The following SGCD variants were observed in gnomAD, a reference collection of about 807,000 sequenced individuals.
SGCD encodes sarcoglycan delta, also known as delta-sarcoglycan.
In SGCD, 18 loss-of-function variants were observed where a neutral mutation model predicts 36.6. That is an observed-to-expected ratio of 0.49 (90% CI 0.34 to 0.73). The LOEUF (loss-of-function observed/expected upper bound fraction) is 0.73, where lower values mean the gene tolerates loss of function less well. Among genes scored for constraint, SGCD ranks in the 30% least tolerant of loss-of-function variants. SGCD has a pLI of 0.01. For missense variants in SGCD, 387 were observed against 346.7 expected (o/e 1.12, Z -0.92); for synonymous variants, 133 against 130.6 (o/e 1.02, Z -0.12).
rs534957988 is a variant in SGCD, at chr5:156,262,426, C to T, written c.-43-67108C>T. Reference sequence around the variant, plus strand: ...ATGTAGCCTAGGTGTGTATTAGGCTCTATCATCTAAATTTGTACAGGTGCA... The same window carrying T: ...ATGTAGCCTAGGTGTGTATTAGGCTTTATCATCTAAATTTGTACAGGTGCA... On this transcript the variant is annotated intron_variant, in intron 3 of 9. Coordinates refer to the SGCD transcript ENST00000517913. Among the ~76,000 whole-genome samples the T allele has an allele frequency of 7.9e-4, 121 of 152,226 alleles. 1 individual carries two copies. The highest frequency in any genetic ancestry group is 2.9e-3 in the African/African-American group (120 of 41,546).
intron 3 of SGCD, among the ~76,000 whole-genome samples, chr5:156,305,937 C>T (rs1194077052): frequency 1.3e-5 from 2 of 152,138 alleles, no homozygotes; most frequent in African/African-American, 2.4e-5. Context: ...TGGCCACTTT[C>T]TCCCATTTGG....
intron 3 of SGCD, among the ~76,000 whole-genome samples, chr5:156,228,439 G>T (rs1016606708): frequency 1.8e-4 from 28 of 152,048 alleles, no homozygotes; most frequent in Non-Finnish European, 3.5e-4. Context: ...AGTGATTTTT[G>T]TCTAATGTAA....
intron 3 of SGCD, among the ~76,000 whole-genome samples, chr5:156,205,128 G>A (rs1764245047): frequency 6.6e-6 from 1 of 152,064 alleles, no homozygotes; most frequent in African/African-American, 2.4e-5. Context: ...AAAAGCTCAT[G>A]GTGCATTCCC....
At chr5:156,102,620 C>T (rs1761546170) in intron 1 of SGCD, among the ~76,000 whole-genome samples, 1 of 152,186 alleles carries the variant, frequency 6.6e-6, no homozygotes, top group African/African-American at 2.4e-5. Context: ...AAGTCACTTG[C>T]ATAAACCAGT....
At chr5:155,904,722 G>T (rs950576923) in intron 1 of SGCD, among the ~76,000 whole-genome samples, 1 of 151,938 alleles carries the variant, frequency 6.6e-6, no homozygotes, top group Non-Finnish European at 1.5e-5. Context: ...TGTAACTATA[G>T]GTTTTTTAAA....
chr5:156,086,402 T>G (rs1356925302), intron 1 of SGCD, among the ~76,000 whole-genome samples: 3 of 152,170 alleles, frequency 2.0e-5, no homozygotes, highest in Non-Finnish European at 4.4e-5. Context: ...GAGCTAGCAG[T>G]AGAGAAATGG....
At chr5:156,330,877 A>G (rs1209795177) in intron 2 of SGCD, among the ~76,000 whole-genome samples, 3 of 152,222 alleles carry the variant, frequency 2.0e-5, no homozygotes, top group Admixed American at 1.3e-4. Flanking sequence ...CTGTGTGGCC[A>G]TAGGCAAGTT....
chr5:155,949,888 C>T (rs1757517739), intron 1 of SGCD, among the ~76,000 whole-genome samples: 1 of 152,180 alleles, frequency 6.6e-6, no homozygotes, highest in Non-Finnish European at 1.5e-5. Flanking sequence ...TATCATGTTA[C>T]AGCCTTTCTA....
chr5:156,205,007 T>C lies in SGCD; in HGVS notation c.-44+80988T>C, dbSNP rs565600248. On this transcript the variant is annotated intron_variant, in intron 3 of 9. Transcript: ENST00000517913. Reference sequence around the variant, plus strand: ...AGATATTAGCAATGAGATGGACATATATTATTTTCACCTGAACAATATCAA... The same window carrying C: ...AGATATTAGCAATGAGATGGACATACATTATTTTCACCTGAACAATATCAA... 1.3e-4 allele frequency among the ~76,000 whole-genome samples: 20 copies of C among 152,228 alleles called. No homozygotes were observed. In the East Asian group the frequency reaches 2.1e-3, roughly 16 times the overall value.
At chr5:155,861,115 C>T in the SGCD span, among the ~76,000 whole-genome samples, 4 of 152,118 alleles carry the variant, frequency 2.6e-5, no homozygotes, top group Admixed American at 1.3e-4. Flanking sequence ...AAATATTCAC[C>T]GAATTCCTAC....
chr5:156,722,702 A>G (rs1222697954), intron 7 of SGCD, among the ~76,000 whole-genome samples: 1 of 152,212 alleles, frequency 6.6e-6, no homozygotes, highest in Non-Finnish European at 1.5e-5. Context: ...AATTATTCTT[A>G]TACATTCCCT....
intron 1 of SGCD, among the ~76,000 whole-genome samples, chr5:155,920,715 G>C (rs1227631990): frequency 6.6e-6 from 1 of 152,122 alleles, no homozygotes; most frequent in Non-Finnish European, 1.5e-5. Context: ...GCTGTGGGCT[G>C]CCTTCTGGGG....
intron 7 of SGCD, among the ~76,000 whole-genome samples, chr5:156,671,382 C>T (rs1271494239): frequency 6.6e-6 from 1 of 151,454 alleles, no homozygotes; most frequent in Non-Finnish European, 1.5e-5. Context: ...AAGTGATTCT[C>T]CCGCCTCAGC....
chr5:156,502,542 C>G (rs115194112), intron 3 of SGCD, among the ~76,000 whole-genome samples: 2,540 of 151,994 alleles, frequency 0.017, 55 homozygotes, highest in African/African-American at 0.056. Context: ...GCTATGCTGC[C>G]CAGTTTGCTC....
chr5:156,508,416 A>T lies in SGCD; in HGVS notation c.193-185A>T, dbSNP rs190567148. On this transcript the variant is annotated intron_variant, in intron 3 of 8. Transcript: ENST00000337851. ...AATTTTCTCAGAAAGAGTGAAAAAG[A>T]TAATATGCATAACTGCATTAAACAA... 2.2e-4 allele frequency among the ~76,000 whole-genome samples: 33 copies of T among 152,238 alleles called. No homozygotes were observed. The South Asian group carries it at 3.1e-3, about 14-fold the overall frequency.
chr5:156,331,085 A>C (rs1219161430), intron 2 of SGCD, among the ~76,000 whole-genome samples: 1 of 152,234 alleles, frequency 6.6e-6, no homozygotes, highest in East Asian at 1.9e-4. Flanking sequence ...CAAATCAACA[A>C]AGAGTGAAAA....
chr5:155,964,690 G>C (rs1356824362), intron 1 of SGCD, among the ~76,000 whole-genome samples: 1 of 152,038 alleles, frequency 6.6e-6, no homozygotes, highest in African/African-American at 2.4e-5. Context: ...AGGATGCTGG[G>C]CATCCAAGGA....
the SGCD span, among the ~76,000 whole-genome samples, chr5:155,744,972 A>G: frequency 2.0e-5 from 3 of 152,250 alleles, no homozygotes; most frequent in Non-Finnish European, 4.4e-5. Flanking sequence ...AGGAGGTCTT[A>G]GAAGCATTCA....
At chr5:156,054,919 C>T (rs1440952146) in intron 1 of SGCD, among the ~76,000 whole-genome samples, 1 of 146,496 alleles carries the variant, frequency 6.8e-6, no homozygotes, top group Non-Finnish European at 1.5e-5. Context: ...ATAGTTGAAA[C>T]CAGAAAACCT....
Sources: gnomAD v4.1 joint callset for allele counts (sites outside exome capture counted in the v4.1 genomes callset) on GRCh38, gnomAD v4.1.1 for gene constraint, MANE v1.5 for transcripts, NCBI Gene and HGNC (gene_info 2026-07-23, HGNC 2026-07-21) for gene names.